The following RANBP17 variants were observed in gnomAD, a reference collection of about 807,000 sequenced individuals.
RANBP17 encodes ran-binding protein 17.
RANBP17 carries 158 observed loss-of-function variants against 141.2 expected under a neutral mutation model. The ratio of observed to expected loss-of-function variants is 1.12; its 90% CI spans 0.98 to 1.28. RANBP17 has a LOEUF of 1.28. RANBP17 is among the 50% of genes most tolerant of loss of function. The probability of loss-of-function intolerance (pLI) is 0.00; values close to 1 mark genes in which losing one functional copy is unlikely to be tolerated. For synonymous variants in RANBP17, 430 were observed against 450.0 expected, an observed-to-expected ratio of 0.96 and a Z score of 0.56; for missense variants, 1,438 against 1,290.7, an observed-to-expected ratio of 1.11 and a Z score of -1.75.
At chr5:170,897,254 A>T (rs1770211117) in intron 5 of RANBP17, 3 of 644,220 alleles carry the variant, frequency 4.7e-6, no homozygotes, top group Non-Finnish European at 9.0e-6. Flanking sequence ...AGAGAAACTC[A>T]GAAAGTTGGC....
In RANBP17 at chr5:171,138,018, C is replaced by T. The variant is rs377546439; in HGVS notation, c.1711-32112C>T. Reference sequence around the variant, plus strand: ...TAAATAAGTAGAATTGCCCTGACTCCATCACTAAGTATTCAAAAGTCAGTT... The same window carrying T: ...TAAATAAGTAGAATTGCCCTGACTCTATCACTAAGTATTCAAAAGTCAGTT... On this transcript the variant is annotated intron_variant, in intron 14 of 27. Coordinates refer to ENST00000523189, the MANE Select transcript of RANBP17 (RefSeq NM_022897.5). 1.3e-3 allele frequency among the ~76,000 whole-genome samples: 197 copies of T among 151,318 alleles called. 9 individuals carry two copies. The South Asian group carries it at 0.04, about 30-fold the overall frequency.
chr5:171,285,351 G>A (rs1280456327), intron 25 of RANBP17, among the ~76,000 whole-genome samples: 1 of 152,148 alleles, frequency 6.6e-6, no homozygotes, highest in African/African-American at 2.4e-5. Flanking sequence ...GAACCTATGT[G>A]GTAGTCATTC....
intron 18 of RANBP17, among the ~76,000 whole-genome samples, chr5:171,198,865 G>T (rs1014000961): frequency 5.3e-5 from 8 of 152,148 alleles, no homozygotes; most frequent in Non-Finnish European, 1.2e-4. Flanking sequence ...AGTGCAGCTC[G>T]TAGCTCCCTG....
intron 20 of RANBP17, among the ~76,000 whole-genome samples, chr5:171,212,256 A>T (rs78202300): frequency 0.011 from 1,686 of 152,330 alleles, 27 homozygotes; most frequent in African/African-American, 0.038. Flanking sequence ...TGGGGCAGAC[A>T]AATAACACAA....
intron 22 of RANBP17, among the ~76,000 whole-genome samples, chr5:171,222,073 G>A (rs1013080547): frequency 6.6e-6 from 1 of 152,166 alleles, no homozygotes; most frequent in Non-Finnish European, 1.5e-5. Context: ...GGATAAAATT[G>A]CAGTGTCAGT....
At chr5:171,188,955 A>G (rs1391289944) in intron 18 of RANBP17, among the ~76,000 whole-genome samples, 1 of 152,244 alleles carries the variant, frequency 6.6e-6, no homozygotes, top group Admixed American at 6.5e-5. Flanking sequence ...ACTGAAATAA[A>G]CACATATAAT....
chr5:171,057,839 G>A (rs1003822215), intron 14 of RANBP17, among the ~76,000 whole-genome samples: 1 of 152,042 alleles, frequency 6.6e-6, no homozygotes, highest in Admixed American at 6.6e-5. Context: ...ACTATCACAA[G>A]AACAGCATGG....
chr5:171,136,933 T>C (rs1273694060), intron 14 of RANBP17, among the ~76,000 whole-genome samples: 1 of 152,190 alleles, frequency 6.6e-6, no homozygotes, highest in African/African-American at 2.4e-5. Flanking sequence ...TCAGTTTTTG[T>C]CTAGATCTTG....
intron 14 of RANBP17, among the ~76,000 whole-genome samples, chr5:171,080,364 G>A (rs775297538): frequency 3.3e-5 from 5 of 152,058 alleles, no homozygotes; most frequent in African/African-American, 1.2e-4. Context: ...CTGACCTGTT[G>A]CCAAACCTTT....
intron 14 of RANBP17, among the ~76,000 whole-genome samples, chr5:171,112,780 A>G (rs1755335889): frequency 6.6e-6 from 1 of 151,958 alleles, no homozygotes; most frequent in African/African-American, 2.4e-5. Flanking sequence ...TTGTTGGGAC[A>G]CAATCTGCCA....
At chr5:170,981,801 G>A (rs916971044) in intron 14 of RANBP17, among the ~76,000 whole-genome samples, 1 of 152,160 alleles carries the variant, frequency 6.6e-6, no homozygotes, top group African/African-American at 2.4e-5. Context: ...GTACCTGAGA[G>A]ATTCTAACCT....
chr5:171,140,911 G>A (rs1757644477), intron 14 of RANBP17, among the ~76,000 whole-genome samples: 1 of 152,122 alleles, frequency 6.6e-6, no homozygotes, highest in African/African-American at 2.4e-5. Flanking sequence ...CACACTACCT[G>A]TGTCTTACTC....
chr5:171,116,757 A>C (rs529791980), intron 14 of RANBP17, among the ~76,000 whole-genome samples: 3 of 152,096 alleles, frequency 2.0e-5, no homozygotes, highest in Admixed American at 6.5e-5. Context: ...TATTCCTCCT[A>C]TCTAGCTGTA....
intron 14 of RANBP17, among the ~76,000 whole-genome samples, chr5:171,037,113 T>C (rs1472442428): frequency 1.3e-5 from 2 of 152,120 alleles, no homozygotes; most frequent in Admixed American, 1.3e-4. Flanking sequence ...TGTTTTTTTT[T>C]CTTTTTTGAC....
intron 4 of RANBP17, among the ~76,000 whole-genome samples, chr5:170,893,383 T>C (rs1769816340): frequency 6.6e-6 from 1 of 152,208 alleles, no homozygotes; most frequent in Non-Finnish European, 1.5e-5. Context: ...TTACTCAGGA[T>C]GACTGTCATG....
chr5:171,198,944 A>G (rs1261363219), intron 18 of RANBP17, among the ~76,000 whole-genome samples: 2 of 152,190 alleles, frequency 1.3e-5, no homozygotes, highest in Non-Finnish European at 2.9e-5. Flanking sequence ...AGAATACTAT[A>G]TAAATTATCA....
chr5:170,996,940 A>G (rs1334423474), intron 14 of RANBP17, among the ~76,000 whole-genome samples: 1 of 152,122 alleles, frequency 6.6e-6, no homozygotes, highest in Non-Finnish European at 1.5e-5. Context: ...ACACATAAGA[A>G]TCCTGAATGA....
rs568286513 is a variant in RANBP17 at position 170,924,224 on chromosome 5, G to A, written c.1275-133G>A. 17 of 554,662 alleles carry A rather than the reference G, an allele frequency of 3.1e-5. 1 individual carries two copies. In the South Asian group the frequency reaches 3.6e-4, roughly 12 times the overall value. 34.4% of individuals were successfully genotyped at this position (554,662 alleles called of 1,614,324 possible). ...TGGCCTGACTGGTCTCAAACTCCTG[G>A]CCCCAAGTGAACCTCCTGCCTCTGT... On this transcript the variant is annotated intron_variant, in intron 11 of 27. Transcript: ENST00000523189.
intron 25 of RANBP17, among the ~76,000 whole-genome samples, chr5:171,267,179 G>T (rs954838200): frequency 6.7e-6 from 1 of 149,882 alleles, no homozygotes; most frequent in Admixed American, 6.7e-5. Flanking sequence ...GACTACAGGT[G>T]CACACCACCA....
Sources: allele counts gnomAD v4.1 joint callset (sites outside exome capture counted in the v4.1 genomes callset), GRCh38; gene constraint gnomAD v4.1.1; transcripts MANE v1.5; gene names NCBI Gene and HGNC (gene_info 2026-07-23, HGNC 2026-07-21).